NPHP4: variants seen among roughly 807,000 people sequenced by gnomAD.
The protein encoded by NPHP4 is nephrocystin-4.
In NPHP4, 151 loss-of-function variants were observed where a neutral mutation model predicts 155.8. That is an observed-to-expected ratio of 0.97 (90% confidence interval 0.85 to 1.11). The LOEUF (loss-of-function observed/expected upper bound fraction) is 1.11. Among genes scored for constraint, NPHP4 ranks in the 50% least tolerant of loss-of-function variants. The pLI is 0.00. For synonymous variants in NPHP4, 845 were observed against 816.8 expected (o/e 1.03, Z -0.59); for missense variants, 1,956 against 1,925.7 (o/e 1.02, Z -0.29).
At chr1:5,981,681 C>A (rs1033608804) in intron 2 of NPHP4, among the ~76,000 whole-genome samples, 1 of 152,178 alleles carries the variant, frequency 6.6e-6, no homozygotes, top group Non-Finnish European at 1.5e-5. Flanking sequence ...TCATCTATTT[C>A]CAAACTCTAT....
Position 5,866,859 on chromosome 1 carries a change from C to A in NPHP4, c.3558+171G>T, listed in dbSNP as rs146196623. On this transcript the variant is annotated intron_variant, in intron 25 of 29. Transcript: ENST00000378156. Reference sequence around the variant, plus strand: ...TGCTAGTAGAAAAAATAAAAACACACTCATAAAGCTCTCATAAGGATGTCA... The same window carrying A: ...TGCTAGTAGAAAAAATAAAAACACAATCATAAAGCTCTCATAAGGATGTCA... 1.8e-3 allele frequency among the ~76,000 whole-genome samples: 273 copies of A among 152,304 alleles called. 1 individual carries two copies. The highest frequency in any genetic ancestry group is 6.4e-3 in the African/African-American group (267 of 41,576).
intron 9 of NPHP4, among the ~76,000 whole-genome samples, chr1:5,943,744 T>C (rs371114084): frequency 5.3e-5 from 8 of 152,360 alleles, no homozygotes; most frequent in Admixed American, 1.3e-4. Flanking sequence ...TTAAAAAATG[T>C]ACACCCAGGC....
At chr1:5,912,537 CAAAAAAAAA>C (rs752371714) in intron 11 of NPHP4, among the ~76,000 whole-genome samples, 1 of 77,902 alleles carries the variant, frequency 1.3e-5, no homozygotes, top group African/African-American at 3.9e-5. Flanking sequence ...GACTCCGTCT[CAAAAAAAAA>C]AAAAAAAAAG....
Position 5,964,941 on chromosome 1 carries a change from A to ATATATATATTT in NPHP4, c.517+2357_517+2358insAAATATATATA. Among the ~76,000 whole-genome samples, 19 of 59,414 alleles carry ATATATATATTT rather than the reference A, an allele frequency of 3.2e-4. 2 individuals are homozygous for ATATATATATTT. The highest frequency in any genetic ancestry group is 1.1e-3 in the African/African-American group (13 of 11,790). The allele number at this position is 59,414 out of a possible 152,430, so 39.0% of individuals were successfully genotyped here. ...ATTATATATATATATATATATATAT[A>ATATATATATTT]TTTTTTTTTTTTGAGGCAGGGTCTC... On this transcript the variant is annotated intron_variant, in intron 5 of 29. Coordinates refer to ENST00000378156, the MANE Select transcript of NPHP4 (RefSeq NM_015102.5).
In NPHP4 at chr1:5,932,179, A is replaced by G. The variant is rs576218333; in HGVS notation, c.1302+968T>C. On this transcript the variant is annotated intron_variant, in intron 10 of 29. Coordinates refer to ENST00000378156, the MANE Select transcript of NPHP4 (RefSeq NM_015102.5). Reference sequence around the variant, plus strand: ...TTGATGGCTGCTGCCTAATCAGAGTAGTGGTTGCTGAAGGTTGGGATGCCT... The same window carrying G: ...TTGATGGCTGCTGCCTAATCAGAGTGGTGGTTGCTGAAGGTTGGGATGCCT... 2.6e-5 allele frequency among the ~76,000 whole-genome samples: 4 copies of G among 152,256 alleles called. No individual in the cohort carries two copies. In the East Asian group the frequency reaches 7.7e-4, roughly 29 times the overall value.
chr1:5,986,069 A>C (rs1465682697), intron 2 of NPHP4, 86 bp downstream of exon 2: 1 of 1,472,210 alleles, frequency 6.8e-7, no homozygotes, highest in East Asian at 2.3e-5. Context: ...AAAGCATCGT[A>C]AGCCAGGGAC....
intron 2 of NPHP4, among the ~76,000 whole-genome samples, chr1:5,982,359 T>C (rs1332482629): frequency 6.6e-6 from 1 of 152,230 alleles, no homozygotes; most frequent in Non-Finnish European, 1.5e-5. Context: ...AGTACAGTAA[T>C]GTGCCATACA....
intron 11 of NPHP4, among the ~76,000 whole-genome samples, chr1:5,913,904 A>G (rs1312560990): frequency 1.3e-5 from 2 of 152,200 alleles, no homozygotes; most frequent in Non-Finnish European, 2.9e-5. Flanking sequence ...ACCCAGAGTA[A>G]TAATACCACT....
rs1367983443 is a variant in NPHP4, at chr1:5,900,373, C to T, written c.2143+4244G>A. ...CACATACGTGCAATGAAGTATCATT[C>T]AGCAATCCAATACGTGAGTGAGCGA... On this transcript the variant is annotated intron_variant, in intron 16 of 29. Coordinates refer to ENST00000378156, the MANE Select transcript of NPHP4 (RefSeq NM_015102.5). Among the ~76,000 whole-genome samples the T allele has an allele frequency of 2.0e-5, 3 of 152,174 alleles. 1 individual carries two copies. The East Asian group carries it at 5.8e-4, about 29-fold the overall frequency.
chr1:5,923,857 T>C (rs1037272641), intron 11 of NPHP4, among the ~76,000 whole-genome samples: 7 of 152,316 alleles, frequency 4.6e-5, no homozygotes, highest in African/African-American at 1.4e-4. Flanking sequence ...TCAAAAGTTA[T>C]CAGACATCCA....
intron 7 of NPHP4, among the ~76,000 whole-genome samples, chr1:5,949,184 C>T (rs140512118): frequency 3.3e-5 from 5 of 152,182 alleles, no homozygotes; most frequent in East Asian, 1.9e-4. Context: ...TCACACAATC[C>T]GCCCTGACAA....
At chr1:5,927,527 A>G (rs1646064377) in intron 11 of NPHP4, 122 bp downstream of exon 11, 2 of 1,093,408 alleles carry the variant, frequency 1.8e-6, no homozygotes, top group Non-Finnish European at 2.6e-6. Context: ...CATTAATGCA[A>G]TCTACGACGA....
At chr1:5,922,965 C>A (rs1162118213) in intron 11 of NPHP4, among the ~76,000 whole-genome samples, 1 of 152,178 alleles carries the variant, frequency 6.6e-6, no homozygotes, top group Non-Finnish European at 1.5e-5. Flanking sequence ...GGCACGCACT[C>A]CAGCCAGAGC....
intron 9 of NPHP4, among the ~76,000 whole-genome samples, chr1:5,941,289 C>CAAAAAAAAAAAAAAAAAA (rs66676950): frequency 9.6e-4 from 43 of 44,752 alleles, no homozygotes; most frequent in Middle Eastern, 0.036. Context: ...GAGATCTAGA[C>CAAAAAAAAAAAAAAAAAA]AAAAAAAAAA....
intron 2 of NPHP4, 109 bp from the exon 3 acceptor site, chr1:5,978,522 C>T (rs551479662): frequency 7.6e-6 from 8 of 1,051,106 alleles, no homozygotes; most frequent in South Asian, 5.9e-5. Context: ...GATATCAGCA[C>T]GCTGGTTTCC....
At chr1:5,947,974 C>T (rs796424707) in intron 8 of NPHP4, 96 bp downstream of exon 8, 4 of 923,578 alleles carry the variant, frequency 4.3e-6, no homozygotes, top group Admixed American at 3.8e-5. Flanking sequence ...AGAACTCCCA[C>T]GTGGGTGAGT....
chr1:5,938,798 A>G (rs1204715844), intron 9 of NPHP4, among the ~76,000 whole-genome samples: 1 of 152,260 alleles, frequency 6.6e-6, no homozygotes, highest in African/African-American at 2.4e-5. Flanking sequence ...TTATTTCTAA[A>G]CAGAACATCA....
At chr1:5,879,327 C>T in intron 19 of NPHP4, 1 of 343,246 alleles carries the variant, frequency 2.9e-6, no homozygotes, top group Non-Finnish European at 5.7e-6. Flanking sequence ...ACTTTATACT[C>T]AGGTCTGTGA....
At position 5,910,192 on chromosome 1, in the gene NPHP4, C is replaced by CA. The variant is rs1645111462; in HGVS notation, c.1442-980dup. 6.6e-6 allele frequency among the ~76,000 whole-genome samples: 1 copy of CA among 152,206 alleles called. No individual in the cohort carries two copies. Among genetic ancestry groups the CA allele is most frequent in the Admixed American group, 6.5e-5 (1 of 15,286 alleles). On this transcript the variant is annotated intron_variant, in intron 11 of 29. Transcript: ENST00000378156. The surrounding 1 kb of genome is among the most constrained non-coding windows in gnomAD (Gnocchi z 5.4). Reference sequence around the variant, plus strand: ...CCTGACGGGGCCACCTCTGCCCACTCAGAGGCCAGGGTGGGAGCCCTGCAC... The same window carrying CA: ...CCTGACGGGGCCACCTCTGCCCACTCAAGAGGCCAGGGTGGGAGCCCTGCAC...
Sources: allele counts gnomAD v4.1 joint callset (sites outside exome capture counted in the v4.1 genomes callset), GRCh38; gene constraint gnomAD v4.1.1; non-coding constraint Gnocchi (gnomAD v3.1); transcripts MANE v1.5; gene names NCBI Gene and HGNC (gene_info 2026-07-23, HGNC 2026-07-21).